ZFPM2: variants seen among roughly 807,000 people sequenced by gnomAD.
ZFPM2 encodes the protein zinc finger protein, FOG family member 2.
ZFPM2 carries 20 observed loss-of-function variants against 98.6 expected under a neutral mutation model. The observed-to-expected ratio is 0.20, with a 90% CI of 0.14 to 0.29. The LOEUF is 0.29. Ranked by LOEUF, ZFPM2 falls within the 10% of genes least tolerant of loss-of-function variation. ZFPM2 has a pLI of 1.00. For synonymous variants in ZFPM2, 518 were observed against 502.7 expected (o/e 1.03, Z -0.41); for missense variants, 1,310 against 1,388.6 (o/e 0.94, Z 0.90).
chr8:105,481,307 C>T (rs1335010621), intron 3 of ZFPM2, among the ~76,000 whole-genome samples: 2 of 143,280 alleles, frequency 1.4e-5, no homozygotes, highest in East Asian at 3.9e-4. Context: ...GCTTAAACAA[C>T]TGAAATTTAT....
Position 105,802,475 on chromosome 8 carries a change from A to C in ZFPM2, c.2393A>C (p.His798Pro). Residue 798 changes from histidine to proline, a missense_variant, in exon 8 of 8, where the codon CAC becomes CCC. Physicochemically the swap from His to Pro is moderately conservative, Grantham distance 77 (BLOSUM62 -2). Transcript: ENST00000407775. ...ATCTTTCCAGGAATTGTCTCTAAACACTTGGAAACTTCTCTGACGATCAAC... is the reference window on the plus strand; with the variant it reads ...ATCTTTCCAGGAATTGTCTCTAAACCCTTGGAAACTTCTCTGACGATCAAC... ...CDIFPGIVSK[H>P]LETSLTINKC... The C allele has an allele frequency of 1.2e-6, 2 of 1,613,336 alleles. No individual in the cohort carries two copies. Among genetic ancestry groups the C allele is most frequent in the African/African-American group, 1.3e-5 (1 of 75,036 alleles).
intron 1 of ZFPM2, among the ~76,000 whole-genome samples, chr8:105,412,269 C>A (rs1811591400): frequency 6.6e-6 from 1 of 151,754 alleles, no homozygotes; most frequent in Non-Finnish European, 1.5e-5. Context: ...TAAAAATTCT[C>A]TAATATCTTT....
intron 1 of ZFPM2, among the ~76,000 whole-genome samples, chr8:105,360,021 G>A (rs989929673): frequency 4.6e-5 from 7 of 152,166 alleles, no homozygotes; most frequent in Non-Finnish European, 7.3e-5. Context: ...CAACTGAAGA[G>A]CAACCTTATT....
chr8:105,330,570 A>G lies in ZFPM2; in HGVS notation c.40+11589A>G, dbSNP rs1414047290. The stretch of plus-strand genomic sequence containing the variant: ...TATATATACATATATATATATATAC[A>G]TATATATATACATATATATATATAC... On this transcript the variant is annotated intron_variant, in intron 1 of 7. Transcript: ENST00000407775. Among the ~76,000 whole-genome samples the G allele has an allele frequency of 3.8e-3, 397 of 105,228 alleles. 3 individuals carry two copies. Among genetic ancestry groups the G allele is most frequent in the African/African-American group, 0.013 (325 of 24,120 alleles). 69.0% of individuals were successfully genotyped at this position (105,228 alleles called of 152,430 possible). A position where few individuals can be genotyped will look rare whatever the true frequency, so the allele number is the denominator to read the frequency against.
intron 5 of ZFPM2, among the ~76,000 whole-genome samples, chr8:105,733,794 A>G (rs1006635790): frequency 2.0e-5 from 3 of 151,852 alleles, no homozygotes; most frequent in African/African-American, 7.2e-5. Context: ...ACTGACTGTC[A>G]CTCATCAATC....
At chr8:105,447,930 A>G (rs555161527) in intron 3 of ZFPM2, among the ~76,000 whole-genome samples, 2 of 152,064 alleles carry the variant, frequency 1.3e-5, no homozygotes, top group African/African-American at 2.4e-5. Context: ...TGTTATCACT[A>G]TTGCTCACAC....
intron 4 of ZFPM2, among the ~76,000 whole-genome samples, chr8:105,613,685 A>G (rs1816355221): frequency 6.6e-6 from 1 of 152,136 alleles, no homozygotes; most frequent in Non-Finnish European, 1.5e-5. Context: ...TTTCAGGTTT[A>G]CCAACACTCA....
chr8:105,419,002 T>C (rs544319843), intron 1 of ZFPM2, 142 bp from the exon 2 acceptor site: 2 of 691,748 alleles, frequency 2.9e-6, no homozygotes, highest in South Asian at 1.9e-5. Context: ...TGTGGCATTA[T>C]CTTTTGTGAG....
intron 5 of ZFPM2, among the ~76,000 whole-genome samples, chr8:105,723,628 G>A (rs572028039): frequency 1.9e-4 from 29 of 151,870 alleles, no homozygotes; most frequent in Non-Finnish European, 3.8e-4. Flanking sequence ...TCTCATTGTC[G>A]AGGCCTTCTT....
intron 1 of ZFPM2, among the ~76,000 whole-genome samples, chr8:105,351,080 G>A (rs1812632856): frequency 1.3e-5 from 2 of 151,410 alleles, no homozygotes; most frequent in African/African-American, 4.9e-5. Context: ...CTACTGGGGG[G>A]GCTGAGGCAG....
intron 5 of ZFPM2, among the ~76,000 whole-genome samples, chr8:105,694,782 T>G (rs558491588): frequency 1.3e-5 from 2 of 152,302 alleles, no homozygotes; most frequent in South Asian, 4.1e-4. Flanking sequence ...AAGTAGGTCA[T>G]CTAATATAAA....
intron 3 of ZFPM2, among the ~76,000 whole-genome samples, chr8:105,492,815 G>A (rs1813383487): frequency 6.6e-6 from 1 of 152,094 alleles, no homozygotes; most frequent in Non-Finnish European, 1.5e-5. Flanking sequence ...AACTATAAAT[G>A]AGAATTTTCA....
chr8:105,369,179 G>A (rs909531300), intron 1 of ZFPM2, among the ~76,000 whole-genome samples: 1 of 152,044 alleles, frequency 6.6e-6, no homozygotes, highest in African/African-American at 2.4e-5. Context: ...TCTGATAAAT[G>A]GATTTATCTC....
At chr8:105,374,424 C>G (rs1425229367) in intron 1 of ZFPM2, among the ~76,000 whole-genome samples, 1 of 150,352 alleles carries the variant, frequency 6.7e-6, no homozygotes, top group Admixed American at 6.6e-5. Flanking sequence ...TTTTTTGAGA[C>G]AGGGTCTTGC....
rs550715178 is a variant in ZFPM2 at position 105,397,318 on chromosome 8, ATAACT to A, written c.41-21822_41-21818del. Among the ~76,000 whole-genome samples the A allele has an allele frequency of 1.1e-3, 174 of 152,320 alleles. 2 individuals are homozygous for A. The highest frequency in any genetic ancestry group is 4.0e-3 in the African/African-American group (166 of 41,578). On this transcript the variant is annotated intron_variant, in intron 1 of 7. Coordinates refer to ENST00000407775, the MANE Select transcript of ZFPM2 (RefSeq NM_012082.4). Reference sequence around the variant, plus strand: ...TTCATGTACCAGATTTTATAATCACATAACTTAAGTAACATAACCTAATCTATAAA... The same window carrying A: ...TTCATGTACCAGATTTTATAATCACATAAGTAACATAACCTAATCTATAAA...
intron 3 of ZFPM2, among the ~76,000 whole-genome samples, chr8:105,473,301 T>C (rs1156414776): frequency 3.9e-5 from 6 of 152,218 alleles, no homozygotes; most frequent in Admixed American, 3.9e-4. Flanking sequence ...CAGTAGTTTA[T>C]ACAATTCATT....
chr8:105,549,410 G>A (rs930592381), intron 3 of ZFPM2, among the ~76,000 whole-genome samples: 3 of 152,050 alleles, frequency 2.0e-5, no homozygotes, highest in Admixed American at 2.0e-4. Context: ...TGGAGAAAAT[G>A]CTATCAATGC....
At chr8:105,800,910 C>G (rs778254839) in intron 7 of ZFPM2, 137 bp from the exon 8 acceptor site, 5 of 775,324 alleles carry the variant, frequency 6.4e-6, no homozygotes, top group Non-Finnish European at 1.0e-5. Context: ...CACAAGAAAA[C>G]AGTTAATATC....
At chr8:105,800,081 G>A (rs564469792) in intron 7 of ZFPM2, among the ~76,000 whole-genome samples, 2 of 151,868 alleles carry the variant, frequency 1.3e-5, no homozygotes, top group African/African-American at 4.8e-5. Context: ...AGAATACAGG[G>A]GTCCTTTAAG....
Sources: allele counts gnomAD v4.1 joint callset (sites outside exome capture counted in the v4.1 genomes callset), GRCh38; gene constraint gnomAD v4.1.1; transcripts MANE v1.5; gene names NCBI Gene and HGNC (gene_info 2026-07-23, HGNC 2026-07-21).